EPB41L5: variants seen among roughly 807,000 people sequenced by gnomAD.
EPB41L5 encodes erythrocyte membrane protein band 4.1 like 5, also known as band 4.1-like protein 5.
In EPB41L5, 55 loss-of-function variants were observed where a neutral mutation model predicts 106.6. The ratio of observed to expected loss-of-function variants is 0.52; its 90% CI spans 0.42 to 0.65. EPB41L5 has a LOEUF of 0.65. Ranked by LOEUF, EPB41L5 falls within the 30% of genes least tolerant of loss-of-function variation. The pLI is 0.00. For missense variants in EPB41L5, 871 were observed against 882.1 expected (o/e 0.99, Z 0.16); for synonymous variants, 297 against 306.7 (o/e 0.97, Z 0.33).
At chr2:120,040,899 A>AT (rs1176374150) in intron 2 of EPB41L5, among the ~76,000 whole-genome samples, 1 of 152,130 alleles carries the variant, frequency 6.6e-6, no homozygotes, top group Non-Finnish European at 1.5e-5. Context: ...CTATATGTTC[A>AT]TTTTTTAATA....
intron 3 of EPB41L5, among the ~76,000 whole-genome samples, chr2:120,051,408 T>G (rs1389424637): frequency 6.6e-6 from 1 of 152,188 alleles, no homozygotes; most frequent in East Asian, 1.9e-4. Flanking sequence ...CTCAGACTAC[T>G]GTGCTAGCAA....
chr2:120,040,420 A>G lies in EPB41L5; in HGVS notation c.181-1586A>G, dbSNP rs533764270. 9.2e-5 allele frequency among the ~76,000 whole-genome samples: 14 copies of G among 152,330 alleles called. No homozygotes were observed. In the East Asian group the frequency reaches 2.5e-3, roughly 27 times the overall value. ...ATAAATTTTTTTTGAGTATGGAGAA[A>G]GTATTGAAAGAAACTGTGAACCTTG... On this transcript the variant is annotated intron_variant, in intron 2 of 24. Coordinates refer to ENST00000263713, the MANE Select transcript of EPB41L5 (RefSeq NM_020909.4).
chr2:120,084,167 G>GT (rs1682892277), intron 10 of EPB41L5, among the ~76,000 whole-genome samples: 1 of 152,020 alleles, frequency 6.6e-6, no homozygotes, highest in South Asian at 2.1e-4. Flanking sequence ...CTAACATGCT[G>GT]TGATGTTAGC....
At chr2:120,020,252 G>A (rs1490494380) in intron 2 of EPB41L5, among the ~76,000 whole-genome samples, 1 of 152,184 alleles carries the variant, frequency 6.6e-6, no homozygotes, top group Non-Finnish European at 1.5e-5. Flanking sequence ...CAAAGTGATA[G>A]CCTACGTGCT....
chr2:120,114,551 A>G (rs1684865204), intron 16 of EPB41L5, among the ~76,000 whole-genome samples: 1 of 152,200 alleles, frequency 6.6e-6, no homozygotes, highest in Non-Finnish European at 1.5e-5. Flanking sequence ...TTATCAGGAT[A>G]TAACCCCATC....
chr2:120,169,875 C>T (rs1687594622), intron 24 of EPB41L5, among the ~76,000 whole-genome samples: 1 of 152,112 alleles, frequency 6.6e-6, no homozygotes, highest in Admixed American at 6.6e-5. Flanking sequence ...TACATTATCA[C>T]CAGAATGGCT....
chr2:120,087,015 C>CT (rs1683103475), intron 10 of EPB41L5, among the ~76,000 whole-genome samples, 156 bp from the exon 11 acceptor site: 1 of 152,052 alleles, frequency 6.6e-6, no homozygotes, highest in South Asian at 2.1e-4. Flanking sequence ...TTTCTGTTTC[C>CT]TGTCTTTTGA....
At chr2:120,101,404 C>A (rs1010581692) in intron 16 of EPB41L5, among the ~76,000 whole-genome samples, 1 of 152,022 alleles carries the variant, frequency 6.6e-6, no homozygotes, top group Non-Finnish European at 1.5e-5. Context: ...TACTTTGTGT[C>A]TTATTGGAGT....
At chr2:120,085,096 T>C (rs755025153) in intron 10 of EPB41L5, among the ~76,000 whole-genome samples, 2 of 152,186 alleles carry the variant, frequency 1.3e-5, no homozygotes, top group Non-Finnish European at 2.9e-5. Flanking sequence ...TCAGAGAAGT[T>C]TGATCATCTG....
rs186686702 is a variant in EPB41L5 at position 120,124,077 on chromosome 2, G to C, written c.1338-3611G>C. Among the ~76,000 whole-genome samples, 119 of 152,334 alleles carry C rather than the reference G, an allele frequency of 7.8e-4. 1 individual carries two copies. The highest frequency in any genetic ancestry group is 2.7e-3 in the African/African-American group (113 of 41,576). On this transcript the variant is annotated intron_variant, in intron 16 of 24. Coordinates refer to ENST00000263713, the MANE Select transcript of EPB41L5 (RefSeq NM_020909.4). ...ACTTGGTTGGTTCTTTGGTAATCCA[G>C]TGATGGCGTATGTGCAAATGCTTGC...
intron 2 of EPB41L5, among the ~76,000 whole-genome samples, chr2:120,040,885 C>T (rs1172902825): frequency 1.3e-5 from 2 of 151,962 alleles, no homozygotes; most frequent in African/African-American, 4.8e-5. Context: ...ATATGATAAA[C>T]CAACTATATG....
At chr2:120,035,118 T>C (rs1678959874) in intron 2 of EPB41L5, among the ~76,000 whole-genome samples, 1 of 152,220 alleles carries the variant, frequency 6.6e-6, no homozygotes, top group Non-Finnish European at 1.5e-5. Flanking sequence ...GTTATGTCAC[T>C]CAGTCTTTTT....
chr2:120,067,491 G>A (rs529878325), intron 3 of EPB41L5, among the ~76,000 whole-genome samples: 1 of 152,200 alleles, frequency 6.6e-6, no homozygotes, highest in Non-Finnish European at 1.5e-5. Flanking sequence ...TCCTGTCACT[G>A]TTAGGACTTG....
At chr2:120,032,753 C>T (rs1474238026) in intron 2 of EPB41L5, among the ~76,000 whole-genome samples, 3 of 152,154 alleles carry the variant, frequency 2.0e-5, no homozygotes, top group African/African-American at 7.2e-5. Context: ...ATACGTGAGG[C>T]AGAATGAACA....
intron 16 of EPB41L5, among the ~76,000 whole-genome samples, chr2:120,127,235 G>T (rs1261462693): frequency 6.6e-6 from 1 of 152,140 alleles, no homozygotes; most frequent in East Asian, 1.9e-4. Context: ...GCTGGGAGGA[G>T]AAGTCTACTC....
intron 3 of EPB41L5, among the ~76,000 whole-genome samples, chr2:120,070,944 C>G (rs1681821639): frequency 1.3e-5 from 2 of 152,184 alleles, no homozygotes; most frequent in South Asian, 4.1e-4. Flanking sequence ...AGGATGCCGT[C>G]TCTCACCACT....
Position 120,087,155 on chromosome 2 carries a change from T to G in EPB41L5, c.804-16T>G. The G allele has an allele frequency of 1.3e-6, 2 of 1,489,874 alleles. No homozygotes were observed. The highest frequency in any genetic ancestry group is 2.4e-5 in the South Asian group (2 of 83,596). The allele number at this position is 1,489,874 out of a possible 1,614,324, so 92.3% of individuals were successfully genotyped here. ...TTTGTTTGTAATTTGGCTTTTATTCTCTTATTATATTATAGGCCGAAGATA... is the reference window on the plus strand; with the variant it reads ...TTTGTTTGTAATTTGGCTTTTATTCGCTTATTATATTATAGGCCGAAGATA... On this transcript the variant is annotated splice_polypyrimidine_tract_variant and intron_variant, in intron 10 of 24. Coordinates refer to ENST00000263713, the MANE Select transcript of EPB41L5 (RefSeq NM_020909.4).
chr2:120,045,814 C>T (rs530850221), intron 3 of EPB41L5, among the ~76,000 whole-genome samples: 8 of 151,662 alleles, frequency 5.3e-5, no homozygotes, highest in South Asian at 2.1e-4. Flanking sequence ...ATCCCTCCCC[C>T]GTCCCCCCCT....
chr2:120,158,739 A>G (rs1238093106), intron 20 of EPB41L5, among the ~76,000 whole-genome samples: 2 of 152,180 alleles, frequency 1.3e-5, no homozygotes, highest in Non-Finnish European at 2.9e-5. Context: ...GCCTAGCCAG[A>G]GCAATCAGGC....
Sources: allele counts gnomAD v4.1 joint callset (sites outside exome capture counted in the v4.1 genomes callset), GRCh38; gene constraint gnomAD v4.1.1; transcripts MANE v1.5; gene names NCBI Gene and HGNC (gene_info 2026-07-23, HGNC 2026-07-21).